Variants in SLC75A1 observed in about 807,000 individuals in gnomAD.
SLC75A1 encodes major facilitator superfamily domain containing 10.
the SLC75A1 span, chr4:2,932,221 C>G: frequency 6.4e-7 from 1 of 1,552,114 alleles, no homozygotes; most frequent in Admixed American, 2.0e-5. Context: ...ACTGTGGCCT[C>G]AAGGGTCCCA....
At chr4:2,933,837 AAAGAC>A in the SLC75A1 span, 1 of 1,590,710 alleles carries the variant, frequency 6.3e-7, no homozygotes, top group Non-Finnish European at 8.6e-7. Context: ...GGAGGCCGAG[AAAGAC>A]AACGGTGACC....
At chr4:2,932,640 A>ACGATGG in the SLC75A1 span, 1 of 1,613,170 alleles carries the variant, frequency 6.2e-7, no homozygotes, top group Non-Finnish European at 8.5e-7. Flanking sequence ...CAGGTCAGCA[A>ACGATGG]CGATGGCCGT....
the SLC75A1 span, chr4:2,931,967 G>A: frequency 3.7e-5 from 59 of 1,601,600 alleles, no homozygotes; most frequent in Non-Finnish European, 3.9e-5. Flanking sequence ...CTGAGAAGGC[G>A]ACCACAGCAG....
the SLC75A1 span, chr4:2,931,614 T>C: frequency 6.2e-7 from 1 of 1,613,556 alleles, no homozygotes; most frequent in Non-Finnish European, 8.5e-7. Context: ...GCACCCTGGA[T>C]GGTGGCCATG....
the SLC75A1 span, chr4:2,934,047 G>A: frequency 8.3e-6 from 9 of 1,085,620 alleles, no homozygotes; most frequent in South Asian, 3.1e-5. Flanking sequence ...AGGGGCTGAT[G>A]GCAGGGGCTC....
At chr4:2,931,562 A>C in the SLC75A1 span, 6 of 1,612,350 alleles carry the variant, frequency 3.7e-6, no homozygotes, top group Non-Finnish European at 5.1e-6. Context: ...TACCCGCTTC[A>C]CGGCAGCAAC....
At chr4:2,931,417 A>G in the SLC75A1 span, 1 of 1,553,246 alleles carries the variant, frequency 6.4e-7, no homozygotes, top group East Asian at 2.4e-5. Flanking sequence ...ACGGGCAGAG[A>G]ACGTCCCCAG....
At chr4:2,932,812 G>C in the SLC75A1 span, 1 of 1,521,664 alleles carries the variant, frequency 6.6e-7, no homozygotes, top group African/African-American at 1.4e-5. Flanking sequence ...GCCAGGAGTG[G>C]CTCAGAGTAG....
At chr4:2,934,258 A>C in the SLC75A1 span, 1 of 314,592 alleles carries the variant, frequency 3.2e-6, no homozygotes, top group Non-Finnish European at 6.0e-6. Context: ...CAGCGAGAGA[A>C]AACTTGAAGC....
At chr4:2,932,309 C>G in the SLC75A1 span, 1 of 1,589,404 alleles carries the variant, frequency 6.3e-7, no homozygotes, top group Admixed American at 1.8e-5. Flanking sequence ...TGGAATCAAG[C>G]CTCCAGCCCC....
At chr4:2,933,181 C>T in the SLC75A1 span, 1 of 1,613,656 alleles carries the variant, frequency 6.2e-7, no homozygotes, top group Non-Finnish European at 8.5e-7. Context: ...ACAGAAACTG[C>T]AGGACAGAGA....
the SLC75A1 span, chr4:2,931,163 G>T: frequency 5.8e-6 from 9 of 1,557,430 alleles, no homozygotes; most frequent in Non-Finnish European, 6.1e-6. Context: ...GTGGGAAGAG[G>T]CACAGTCAGG....
chr4:2,932,197 C>A, the SLC75A1 span: 1 of 1,569,476 alleles, frequency 6.4e-7, no homozygotes, highest in Non-Finnish European at 8.6e-7. Context: ...GGCTGCTGGC[C>A]TGGCAACCCA....
the SLC75A1 span, chr4:2,931,073 C>T: frequency 6.2e-7 from 1 of 1,603,050 alleles, no homozygotes; most frequent in South Asian, 1.1e-5. Context: ...GAAGCGGCCA[C>T]CAGGGGCCCC....
At chr4:2,931,481 G>A in the SLC75A1 span, 12 of 1,581,146 alleles carry the variant, frequency 7.6e-6, no homozygotes, top group African/African-American at 8.1e-5. Flanking sequence ...GGTGGGCACG[G>A]CAGCCTCAGC....
At chr4:2,932,306 A>G in the SLC75A1 span, 1 of 1,586,524 alleles carries the variant, frequency 6.3e-7, no homozygotes, top group Non-Finnish European at 8.6e-7. Context: ...CTATGGAATC[A>G]AGCCTCCAGC....
chr4:2,933,552 C>CA, the SLC75A1 span: 1 of 1,613,502 alleles, frequency 6.2e-7, no homozygotes, highest in South Asian at 1.1e-5. Flanking sequence ...GCCAAGGGCA[C>CA]AGAGCCAGCC....
At chr4:2,931,447 G>C in the SLC75A1 span, 6 of 1,565,014 alleles carry the variant, frequency 3.8e-6, no homozygotes, top group Non-Finnish European at 5.2e-6. Context: ...AGGAAGGCGG[G>C]CACCAGCAGC....
At chr4:2,931,161 A>G in the SLC75A1 span, 25 of 1,557,318 alleles carry the variant, frequency 1.6e-5, no homozygotes, top group Non-Finnish European at 2.0e-5. Flanking sequence ...CTGTGGGAAG[A>G]GGCACAGTCA....
Sources: allele counts gnomAD v4.1 joint callset, GRCh38; gene constraint gnomAD v4.1.1; transcripts MANE v1.5; gene names NCBI Gene and HGNC (gene_info 2026-07-23, HGNC 2026-07-21).